CTXND1: variants seen among roughly 807,000 people sequenced by gnomAD.
CTXND1 encodes the protein cortexin domain containing 1, also known as cortexin domain-containing 1 protein.
At chr15:80,212,712 C>T (rs944731222) in intron 1 of CTXND1, among the ~76,000 whole-genome samples, 4 of 152,040 alleles carry the variant, frequency 2.6e-5, no homozygotes, top group Admixed American at 6.6e-5. Context: ...ATGGGAGATC[C>T]GCAAAAATTT....
At chr15:80,243,662 A>C (rs1342961914) in intron 1 of CTXND1, among the ~76,000 whole-genome samples, 1 of 152,112 alleles carries the variant, frequency 6.6e-6, no homozygotes, top group Non-Finnish European at 1.5e-5. Context: ...TTCTCCTTGT[A>C]CCCCAAGGGT....
intron 1 of CTXND1, among the ~76,000 whole-genome samples, chr15:80,245,884 A>G (rs887352929): frequency 1.3e-5 from 2 of 152,126 alleles, no homozygotes; most frequent in African/African-American, 4.8e-5. Flanking sequence ...CAACCCCGCA[A>G]GCCTCATGAA....
At chr15:80,213,850 A>G (rs371568961) in intron 1 of CTXND1, among the ~76,000 whole-genome samples, 4 of 152,220 alleles carry the variant, frequency 2.6e-5, no homozygotes, top group South Asian at 2.1e-4. Flanking sequence ...ACATTTTCAG[A>G]CATTAAAGAA....
intron 1 of CTXND1, among the ~76,000 whole-genome samples, chr15:80,211,400 C>A (rs1893203158): frequency 6.6e-6 from 1 of 152,088 alleles, no homozygotes; most frequent in Non-Finnish European, 1.5e-5. Flanking sequence ...GAATCACTTC[C>A]CCAAACTGAC....
chr15:80,225,604 T>A (rs1284546562), intron 1 of CTXND1, among the ~76,000 whole-genome samples: 1 of 152,210 alleles, frequency 6.6e-6, no homozygotes, highest in East Asian at 1.9e-4. Flanking sequence ...AAATCAATAA[T>A]TTCATTTTCA....
chr15:80,217,475 C>A (rs1893265589), intron 1 of CTXND1, among the ~76,000 whole-genome samples: 1 of 151,964 alleles, frequency 6.6e-6, no homozygotes, highest in Non-Finnish European at 1.5e-5. Flanking sequence ...TTTCTTAGCA[C>A]AAATTGGGAA....
At chr15:80,233,323 G>A (rs1893453702) in intron 1 of CTXND1, among the ~76,000 whole-genome samples, 1 of 152,188 alleles carries the variant, frequency 6.6e-6, no homozygotes, top group South Asian at 2.1e-4. Context: ...TCTCTGGGAA[G>A]AGTAAATGAG....
intron 1 of CTXND1, among the ~76,000 whole-genome samples, chr15:80,208,151 G>A (rs1317558167): frequency 6.6e-6 from 1 of 152,190 alleles, no homozygotes; most frequent in Non-Finnish European, 1.5e-5. Context: ...TATTGTAACA[G>A]TGAAAAACTG....
intron 1 of CTXND1, among the ~76,000 whole-genome samples, chr15:80,212,695 G>A (rs1483742227): frequency 3.3e-5 from 5 of 152,096 alleles, no homozygotes; most frequent in African/African-American, 9.7e-5. Flanking sequence ...AAATCACCAC[G>A]ACATATATGG....
intron 1 of CTXND1, among the ~76,000 whole-genome samples, chr15:80,241,753 G>A (rs1893570456): frequency 6.6e-6 from 1 of 152,174 alleles, no homozygotes; most frequent in South Asian, 2.1e-4. Context: ...GCCCTTGGGG[G>A]AAACAGCTGC....
chr15:80,232,138 T>C (rs1483622367), intron 1 of CTXND1, among the ~76,000 whole-genome samples: 1 of 152,168 alleles, frequency 6.6e-6, no homozygotes, highest in Non-Finnish European at 1.5e-5. Context: ...AAGCCTGGAA[T>C]GCTGGCGACG....
intron 1 of CTXND1, among the ~76,000 whole-genome samples, chr15:80,225,719 G>T (rs1893364283): frequency 6.6e-6 from 1 of 152,044 alleles, no homozygotes; most frequent in Admixed American, 6.6e-5. Context: ...TTTTTATGAA[G>T]TGGTATGCTA....
At chr15:80,250,947 A>C (rs544219615) in intron 1 of CTXND1, among the ~76,000 whole-genome samples, 59 of 152,314 alleles carry the variant, frequency 3.9e-4, no homozygotes, top group African/African-American at 1.4e-3. Flanking sequence ...TAGATCCCCT[A>C]GTTCACTGGA....
At chr15:80,243,399 C>T (rs1893592320) in intron 1 of CTXND1, among the ~76,000 whole-genome samples, 1 of 152,146 alleles carries the variant, frequency 6.6e-6, no homozygotes, top group Admixed American at 6.5e-5. Context: ...CTGGGTCAGG[C>T]CCCAAGAGCC....
chr15:80,248,395 A>G (rs1036539936), intron 1 of CTXND1, among the ~76,000 whole-genome samples: 14 of 152,304 alleles, frequency 9.2e-5, no homozygotes, highest in African/African-American at 3.4e-4. Context: ...CGGAAAGGGT[A>G]AGGAGAGAAA....
chr15:80,248,744 T>A (rs1299099666), intron 1 of CTXND1, among the ~76,000 whole-genome samples: 1 of 152,208 alleles, frequency 6.6e-6, no homozygotes, highest in Non-Finnish European at 1.5e-5. Context: ...CCATGCAGTG[T>A]CAGGCCACTT....
rs989687925 is a variant in CTXND1, at chr15:80,252,189, G to C, written c.-400C>G. 4.6e-5 allele frequency: 7 copies of C among 151,730 alleles called. No individual in the cohort carries two copies. Among genetic ancestry groups the C allele is most frequent in the African/African-American group, 1.4e-4 (6 of 41,380 alleles). 9.4% of individuals were successfully genotyped at this position (151,730 alleles called of 1,614,324 possible). A position where few individuals can be genotyped will look rare whatever the true frequency, so the allele number is the denominator to read the frequency against. On this transcript the variant is annotated 5_prime_UTR_variant, in exon 1 of 3. Transcript: ENST00000560778. Reference sequence around the variant, plus strand: ...AGCCCCCAGCGGCGCGGGCGAGCCCGGGCCAGCAGCCGAGAGGGGGCTCTG... The same window carrying C: ...AGCCCCCAGCGGCGCGGGCGAGCCCCGGCCAGCAGCCGAGAGGGGGCTCTG...
rs1247438522 is a variant in CTXND1, at chr15:80,246,616, C to A, written c.-218+5391G>T. On this transcript the variant is annotated intron_variant, in intron 1 of 2. Transcript: ENST00000560778. ...AGAAAGAGGGCATTCATTTTTCTGC[C>A]CAGGCAGAATGAACTGTGGACTTTG... 2.9e-5 allele frequency among the ~76,000 whole-genome samples: 4 copies of A among 138,764 alleles called. No homozygotes were observed. The Admixed American group carries it at 3.0e-4, about 10-fold the overall frequency. 91.0% of individuals were successfully genotyped at this position (138,764 alleles called of 152,430 possible).
At chr15:80,238,238 A>T (rs1170569651) in intron 1 of CTXND1, among the ~76,000 whole-genome samples, 1 of 152,082 alleles carries the variant, frequency 6.6e-6, no homozygotes, top group Non-Finnish European at 1.5e-5. Flanking sequence ...TGCAAGTTCC[A>T]TTTATGGTAA....
Sources: allele counts gnomAD v4.1 joint callset (sites outside exome capture counted in the v4.1 genomes callset), GRCh38; gene constraint gnomAD v4.1.1; transcripts MANE v1.5; gene names NCBI Gene and HGNC (gene_info 2026-07-23, HGNC 2026-07-21).